The following VSX1 variants were observed in gnomAD, a reference collection of about 807,000 sequenced individuals.
VSX1 encodes the protein visual system homeobox 1, also known as homeodomain protein RINX.
In VSX1, 23 loss-of-function variants were observed where a neutral mutation model predicts 23.6. The observed-to-expected ratio is 0.97, with a 90% CI of 0.70 to 1.38. VSX1 has a LOEUF of 1.38. Ranked by LOEUF, VSX1 falls within the 40% of genes most tolerant of loss-of-function variation. The pLI is 0.00. For missense variants in VSX1, 517 were observed against 495.4 expected, an observed-to-expected ratio of 1.04 and a Z score of -0.41; for synonymous variants, 247 against 215.1, an observed-to-expected ratio of 1.15 and a Z score of -1.30.
Position 25,077,685 on chromosome 20 carries a change from C to G in VSX1, c.808G>C (p.Gly270Arg), listed in dbSNP as rs1568863550. ...LLGSCAPWLL[G>R]MHKKSMGMIR... is the part of the protein sequence containing the mutation. The stretch of plus-strand genomic sequence containing the variant: ...TGCGATCCCGGGGGCCCTTCCTTAC[C>G]CAGGAGCCAGGGCGCGCAGGAGCCC... Residue 270 changes from glycine (G) to arginine (R), a missense_variant and splice_region_variant, in exon 4 of 5, where the codon GGG becomes CGG. Gly to Arg is a moderately radical substitution (Grantham distance 125). Transcript: ENST00000376709. 3.9e-6 allele frequency: 6 copies of G among 1,547,602 alleles called. No homozygotes were observed. Among genetic ancestry groups the G allele is most frequent in the Non-Finnish European group, 4.4e-6 (5 of 1,146,774 alleles).
At chr20:25,074,301 C>T (rs77475443), downstream of VSX1, among the ~76,000 whole-genome samples, 206 of 152,196 alleles carry the variant, frequency 1.4e-3, 1 homozygote, top group African/African-American at 4.8e-3. Context: ...TTGGCAAAGC[C>T]GCCTCAAAGA....
At chr20:25,071,443 G>C (rs1401949034), downstream of VSX1, 5 of 453,884 alleles carry the variant, frequency 1.1e-5, no homozygotes, top group Middle Eastern at 6.9e-4. Flanking sequence ...CTGCACTCCA[G>C]CCTGGAGACA....
chr20:25,079,520 G>T lies in VSX1; in HGVS notation c.425-6C>A. On this transcript the variant is annotated splice_polypyrimidine_tract_variant and splice_region_variant and intron_variant, in intron 1 of 4. Transcript: ENST00000376709. ...TTCAGACTGGCTGTCCTCATCTGAT[G>T]GCACAGAAAGAAGAAGAGGACTTTA... 2 of 1,608,798 alleles carry T rather than the reference G, an allele frequency of 1.2e-6. No individual in the cohort carries two copies. Among genetic ancestry groups the T allele is most frequent in the African/African-American group, 2.7e-5 (2 of 74,912 alleles).
At position 25,080,774 on chromosome 20, in the gene VSX1, A is replaced by T. The variant is rs146611366; in HGVS notation, c.424+899T>A. Among the ~76,000 whole-genome samples, 921 of 152,318 alleles carry T rather than the reference A, an allele frequency of 6.0e-3. 15 individuals carry two copies. Among genetic ancestry groups the T allele is most frequent in the African/African-American group, 0.02 (848 of 41,560 alleles). The stretch of plus-strand genomic sequence containing the variant: ...ATTTTATCTTACGTAGAGCTCATGA[A>T]ATAAAGTCCTTTTAGAGTGGAGCAA... On this transcript the variant is annotated intron_variant, in intron 1 of 4. Transcript: ENST00000376709.
chr20:25,077,553 C>T (rs1483968705), intron 4 of VSX1, 132 bp downstream of exon 4: 8 of 1,066,906 alleles, frequency 7.5e-6, no homozygotes, highest in African/African-American at 4.8e-5. Context: ...ATAATAAGAA[C>T]GGTTCTGGAC....
chr20:25,077,267 C>A (rs1159572937), intron 4 of VSX1, among the ~76,000 whole-genome samples: 1 of 152,194 alleles, frequency 6.6e-6, no homozygotes, highest in Non-Finnish European at 1.5e-5. Flanking sequence ...CCGGGGCCAG[C>A]CCTCCTGACT....
At chr20:25,081,627 G>A (rs574012030) in intron 1 of VSX1, 46 bp downstream of exon 1, 2 of 1,535,242 alleles carry the variant, frequency 1.3e-6, no homozygotes, top group Admixed American at 2.0e-5. Flanking sequence ...GCGCGGCTCA[G>A]AGCCTAGGGG....
chr20:25,071,890 A>C (rs79124131), downstream of VSX1: 3 of 711,754 alleles, frequency 4.2e-6, no homozygotes, highest in South Asian at 4.5e-5. Flanking sequence ...GCACTTCTCC[A>C]GAGGGGCAGA....
At chr20:25,077,999 AGCTCCCGAGGGCCAACCAGCC>A (rs2089546929) in intron 3 of VSX1, 134 bp from the exon 4 acceptor site, 2 of 1,276,696 alleles carry the variant, frequency 1.6e-6, no homozygotes, top group Admixed American at 4.1e-5. Flanking sequence ...TGAAGGAAAT[AGCTCCCGAGGGCCAACCAGCC>A]GCCCTCAGGG....
chr20:25,076,461 C>T lies in VSX1; in HGVS notation c.898G>A (p.Gly300Ser). The change falls in exon 5 of 5, where the codon GGT becomes AGT. Residue 300 changes from glycine (G) to serine (S), a missense_variant. Transcript: ENST00000376709. The stretch of plus-strand genomic sequence containing the variant: ...GATCCTGACTCACTCTGGCTAGAAC[C>T]TTCTTTGAAGTGGTCAGAGCCCCAG... Reference protein sequence around the residue: ...GLWGSDHFKEGSSQSESGSQR... With the variant: ...GLWGSDHFKESSSQSESGSQR... The T allele has an allele frequency of 6.2e-7, 1 of 1,614,150 alleles. No homozygotes were observed. Among genetic ancestry groups the T allele is most frequent in the South Asian group, 1.1e-5 (1 of 91,086 alleles).
downstream of VSX1, chr20:25,072,001 C>G (rs775026505): frequency 1.6e-6 from 1 of 624,024 alleles, no homozygotes; most frequent in African/African-American, 1.9e-5. Context: ...CGGGAGCCTC[C>G]AGGAGCAGAA....
chr20:25,078,118 C>G, intron 3 of VSX1: 1 of 574,230 alleles, frequency 1.7e-6, no homozygotes, highest in Non-Finnish European at 3.1e-6. Context: ...ACCACGTCCA[C>G]TGAAGTTTCC....
downstream of VSX1, among the ~76,000 whole-genome samples, chr20:25,074,655 A>G (rs2089448124): frequency 2.0e-5 from 3 of 152,196 alleles, no homozygotes; most frequent in South Asian, 6.2e-4. Flanking sequence ...ACATTAATAA[A>G]TAAGCCTTAC....
chr20:25,073,537 G>T (rs370970319), downstream of VSX1, among the ~76,000 whole-genome samples: 6 of 152,152 alleles, frequency 3.9e-5, no homozygotes, highest in South Asian at 1.0e-3. Flanking sequence ...AAGAGCGGGG[G>T]CTGGCCACGA....
Position 25,076,559 on chromosome 20 carries a change from A to AAAAAAAATAAAAAG in VSX1, c.809-23_809-10dup, listed in dbSNP as rs776268274. On this transcript the variant is annotated splice_polypyrimidine_tract_variant and intron_variant, in intron 4 of 4. Coordinates refer to ENST00000376709, the MANE Select transcript of VSX1 (RefSeq NM_014588.6). ...GGATTTTTTATGCATCCCTTGTAAA[A>AAAAAAAATAAAAAG]AAAAAAATAAAAAGGAAAAAATAAA... 23 of 1,586,626 alleles carry AAAAAAAATAAAAAG rather than the reference A, an allele frequency of 1.4e-5. No individual in the cohort carries two copies. In the East Asian group the frequency reaches 4.9e-4, roughly 34 times the overall value.
In VSX1 at chr20:25,075,807, TC is replaced by T. The variant is rs11478193; in HGVS notation, c.*453del. The stretch of plus-strand genomic sequence containing the variant: ...AAGTTCAAGGTAAAGACAATATAAT[TC>T]ATTCATGTGTCTGTATGGAGTCTTC... On this transcript the variant is annotated 3_prime_UTR_variant, in exon 5 of 5. Transcript: ENST00000376709. The T allele has an allele frequency of 0.066, 11,052 of 166,632 alleles. 1,279 individuals are homozygous for T. Among genetic ancestry groups the T allele is most frequent in the African/African-American group, 0.25 (10,404 of 41,638 alleles). The allele number at this position is 166,632 out of a possible 1,614,324, so 10.3% of individuals were successfully genotyped here. A position where few individuals can be genotyped will look rare whatever the true frequency, so the allele number is the denominator to read the frequency against.
downstream of VSX1, chr20:25,072,538 C>T: frequency 2.1e-6 from 1 of 471,100 alleles, no homozygotes; most frequent in East Asian, 6.9e-5. Flanking sequence ...GCCATCACCT[C>T]GTTCTTTAAG....
rs761129330 is a variant in VSX1 at position 25,076,249 on chromosome 20, G to A, written c.*12C>T. ...GCACATTTTCAGCCTTTGACAGTGG[G>A]ACCTGTGGGTCTCATGTGGCTCCCA... On this transcript the variant is annotated 3_prime_UTR_variant, in exon 5 of 5. Coordinates refer to ENST00000376709, the MANE Select transcript of VSX1 (RefSeq NM_014588.6). 9.3e-6 allele frequency: 15 copies of A among 1,613,930 alleles called. No homozygotes were observed. The Admixed American group carries it at 2.5e-4, about 27-fold the overall frequency.
In VSX1 at chr20:25,077,666, C is replaced by G. The variant is rs1021610757; in HGVS notation, c.808+19G>C. 5.2e-6 allele frequency: 8 copies of G among 1,543,922 alleles called. No homozygotes were observed. In the East Asian group the frequency reaches 2.0e-4, roughly 38 times the overall value. On this transcript the variant is annotated intron_variant, in intron 4 of 4. Coordinates refer to ENST00000376709, the MANE Select transcript of VSX1 (RefSeq NM_014588.6). ...CCTACAACACCTCGAGCCGTGCGAT[C>G]CCGGGGGCCCTTCCTTACCCAGGAG...
Sources: allele counts gnomAD v4.1 joint callset (sites outside exome capture counted in the v4.1 genomes callset), GRCh38; gene constraint gnomAD v4.1.1; transcripts MANE v1.5; gene names NCBI Gene and HGNC (gene_info 2026-07-23, HGNC 2026-07-21).